The following PRKCA variants were observed in gnomAD, a reference collection of about 807,000 sequenced individuals.
PRKCA encodes the protein protein kinase C alpha type.
A neutral mutation model predicts 87.0 loss-of-function variants in PRKCA; 27 were observed. The observed-to-expected ratio is 0.31, with a 90% CI of 0.23 to 0.43. The LOEUF (loss-of-function observed/expected upper bound fraction) is 0.43. Ranked by LOEUF, PRKCA falls within the 20% of genes least tolerant of loss-of-function variation. The pLI is 1.00. For synonymous variants in PRKCA, 329 were observed against 311.1 expected (o/e 1.06, Z -0.61); for missense variants, 518 against 852.3 (o/e 0.61, Z 4.88).
At chr17:66,669,743 A>G (rs1039293226) in intron 5 of PRKCA, among the ~76,000 whole-genome samples, 46 of 152,292 alleles carry the variant, frequency 3.0e-4, no homozygotes, top group African/African-American at 1.1e-3. Flanking sequence ...TCTACTAAAA[A>G]TACAAAAAAT....
chr17:66,423,399 G>T (rs1050204917), intron 2 of PRKCA, among the ~76,000 whole-genome samples: 1 of 152,190 alleles, frequency 6.6e-6, no homozygotes, highest in Non-Finnish European at 1.5e-5. Flanking sequence ...TTGCAGGTTT[G>T]ATAGTTTGAT....
At chr17:66,738,889 C>A in intron 11 of PRKCA, 34 bp downstream of exon 11, 1 of 1,526,970 alleles carries the variant, frequency 6.5e-7, no homozygotes, top group Non-Finnish European at 9.0e-7. Flanking sequence ...TTAATTTGAA[C>A]AACCAAGTCC....
chr17:66,781,868 G>GAGAGAGATATATATATAT (rs1491546533), intron 14 of PRKCA, among the ~76,000 whole-genome samples: 1 of 99,318 alleles, frequency 1.0e-5, no homozygotes, highest in African/African-American at 3.8e-5. Flanking sequence ...GAGAGAGAGA[G>GAGAGAGATATATATATAT]ATATATATAT....
chr17:66,801,252 C>A (rs913724414), intron 16 of PRKCA, among the ~76,000 whole-genome samples: 5 of 152,226 alleles, frequency 3.3e-5, no homozygotes, highest in Admixed American at 6.5e-5. Flanking sequence ...GCAGCAGGTA[C>A]TGTTGACATC....
At chr17:66,624,078 G>C (rs1970771781) in intron 3 of PRKCA, among the ~76,000 whole-genome samples, 1 of 152,054 alleles carries the variant, frequency 6.6e-6, no homozygotes, top group Non-Finnish European at 1.5e-5. Flanking sequence ...AATTACATTG[G>C]GTCAAATGGT....
intron 2 of PRKCA, among the ~76,000 whole-genome samples, chr17:66,358,980 G>T (rs1406330688): frequency 6.6e-6 from 1 of 151,922 alleles, no homozygotes; most frequent in Non-Finnish European, 1.5e-5. Context: ...AATGAAATCA[G>T]GTTAAAATTT....
At chr17:66,486,437 A>G (rs1915992668) in intron 2 of PRKCA, among the ~76,000 whole-genome samples, 1 of 152,176 alleles carries the variant, frequency 6.6e-6, no homozygotes, top group Non-Finnish European at 1.5e-5. Context: ...TGGGCGAGTA[A>G]TGACCACATC....
chr17:66,403,315 C>T (rs1487242597), intron 2 of PRKCA, among the ~76,000 whole-genome samples: 1 of 152,044 alleles, frequency 6.6e-6, no homozygotes, highest in East Asian at 1.9e-4. Context: ...CATTCCTGAC[C>T]CTGATTTAGT....
At chr17:66,468,212 G>T (rs886895032) in intron 2 of PRKCA, among the ~76,000 whole-genome samples, 4 of 152,156 alleles carry the variant, frequency 2.6e-5, no homozygotes, top group Admixed American at 2.6e-4. Flanking sequence ...CCTTTATCTG[G>T]GTCTGTGCTG....
At chr17:66,365,072 G>T (rs1233011460) in intron 2 of PRKCA, among the ~76,000 whole-genome samples, 1 of 152,098 alleles carries the variant, frequency 6.6e-6, no homozygotes, top group Admixed American at 6.5e-5. Flanking sequence ...TAGGAGAAAA[G>T]AAAAAGGGGA....
intron 2 of PRKCA, among the ~76,000 whole-genome samples, chr17:66,458,571 C>T (rs1429875494): frequency 2.6e-5 from 4 of 152,048 alleles, no homozygotes; most frequent in African/African-American, 9.7e-5. Context: ...ACCTCCACTT[C>T]CTGGGCTCAA....
At chr17:66,515,657 C>A (rs1053233743) in intron 3 of PRKCA, among the ~76,000 whole-genome samples, 1 of 152,124 alleles carries the variant, frequency 6.6e-6, no homozygotes, top group African/African-American at 2.4e-5. Flanking sequence ...ATCCTCCCCC[C>A]ATCAGTCTCC....
In PRKCA at chr17:66,803,739, TC is replaced by T; in HGVS notation, c.1855-132del. 1 of 1,225,036 alleles carries T rather than the reference TC, an allele frequency of 8.2e-7. No individual in the cohort carries two copies. The allele number at this position is 1,225,036 out of a possible 1,614,324, so 75.9% of individuals were successfully genotyped here. A position where few individuals can be genotyped will look rare whatever the true frequency, so the allele number is the denominator to read the frequency against. On this transcript the variant is annotated intron_variant, in intron 16 of 16. Coordinates refer to ENST00000413366, the MANE Select transcript of PRKCA (RefSeq NM_002737.3). This position sits in a 1 kb window ranked among gnomAD's most constrained non-coding sequence, Gnocchi z 4.4. ...CTTTTCAATCCAATAGGCCTGCAAG[TC>T]CTCCGAGATTCCTCCTCCTAACCAG... is the stretch of plus-strand genomic sequence containing the variant.
At chr17:66,671,670 T>G (rs1423735470) in intron 5 of PRKCA, among the ~76,000 whole-genome samples, 1 of 152,202 alleles carries the variant, frequency 6.6e-6, no homozygotes, top group East Asian at 1.9e-4. Flanking sequence ...GGCAGTGATT[T>G]ATGAGATGAA....
chr17:66,653,801 A>C (rs1232479606), intron 5 of PRKCA, among the ~76,000 whole-genome samples: 4 of 134,192 alleles, frequency 3.0e-5, no homozygotes, highest in East Asian at 2.2e-4. Context: ...TAAAAAAAAA[A>C]AAAAAAAACA....
At chr17:66,490,021 T>A (rs1163668123) in intron 2 of PRKCA, among the ~76,000 whole-genome samples, 1 of 152,168 alleles carries the variant, frequency 6.6e-6, no homozygotes, top group Non-Finnish European at 1.5e-5. Flanking sequence ...CCTCAAGTGA[T>A]CTGCCTGTCT....
At chr17:66,522,450 G>C (rs1428075563) in intron 3 of PRKCA, among the ~76,000 whole-genome samples, 1 of 152,168 alleles carries the variant, frequency 6.6e-6, no homozygotes, top group Non-Finnish European at 1.5e-5. Flanking sequence ...GGGAAGAGGG[G>C]ACAGTAATCG....
rs1976107924 is a variant in PRKCA, at chr17:66,809,093, C to T, written c.*5056C>T. Reference sequence around the variant, plus strand: ...GACGGTCAACATTCCTGTCTCCTCCCATTTGGGCTGATGCAGCAGATCCAG... The same window carrying T: ...GACGGTCAACATTCCTGTCTCCTCCTATTTGGGCTGATGCAGCAGATCCAG... On this transcript the variant is annotated 3_prime_UTR_variant, in exon 17 of 17. Coordinates refer to ENST00000413366, the MANE Select transcript of PRKCA (RefSeq NM_002737.3). The T allele has an allele frequency of 6.6e-6, 1 of 152,216 alleles. No homozygotes were observed. The highest frequency in any genetic ancestry group is 1.5e-5 in the Non-Finnish European group (1 of 68,044). 9.4% of individuals were successfully genotyped at this position (152,216 alleles called of 1,614,324 possible). A position where few individuals can be genotyped will look rare whatever the true frequency, so the allele number is the denominator to read the frequency against.
rs1024068131 is a variant in PRKCA at position 66,450,752 on chromosome 17, A to G, written c.206-45449A>G. On this transcript the variant is annotated intron_variant, in intron 2 of 16. Transcript: ENST00000413366. Reference sequence around the variant, plus strand: ...TTACCGCAAAAGCTGGTACCAGCTCATGCTGTTCTGATGTTTTGGTTACGC... The same window carrying G: ...TTACCGCAAAAGCTGGTACCAGCTCGTGCTGTTCTGATGTTTTGGTTACGC... 3.9e-4 allele frequency among the ~76,000 whole-genome samples: 59 copies of G among 151,624 alleles called. 1 individual carries two copies. The highest frequency in any genetic ancestry group is 1.4e-3 in the African/African-American group (56 of 41,290).
Sources: gnomAD v4.1 joint callset for allele counts (sites outside exome capture counted in the v4.1 genomes callset) on GRCh38, gnomAD v4.1.1 for gene constraint, Gnocchi (gnomAD v3.1) non-coding constraint, MANE v1.5 for transcripts, NCBI Gene and HGNC (gene_info 2026-07-23, HGNC 2026-07-21) for gene names.